Variants in FRMD4A observed in about 807,000 individuals in gnomAD.
FRMD4A encodes the protein FERM domain-containing protein 4A.
FRMD4A carries 29 observed loss-of-function variants against 129.1 expected under a neutral mutation model. The ratio of observed to expected loss-of-function variants is 0.22; its 90% CI spans 0.17 to 0.31. The LOEUF (loss-of-function observed/expected upper bound fraction) is 0.31. Among genes scored for constraint, FRMD4A ranks in the 10% least tolerant of loss-of-function variants. The pLI is 1.00. For synonymous variants in FRMD4A, 634 were observed against 571.6 expected (o/e 1.11, Z -1.56); for missense variants, 1,272 against 1,375.8 (o/e 0.92, Z 1.19).
intron 2 of FRMD4A, among the ~76,000 whole-genome samples, chr10:14,249,612 C>T (rs187527252): frequency 1.1e-3 from 165 of 152,286 alleles, no homozygotes; most frequent in African/African-American, 3.9e-3. Context: ...CTTCTACCGA[C>T]CCAGAAATTT....
At chr10:14,125,773 G>T (rs149922439) in intron 2 of FRMD4A, among the ~76,000 whole-genome samples, 1 of 151,892 alleles carries the variant, frequency 6.6e-6, no homozygotes, top group African/African-American at 2.4e-5. Context: ...ACACATACAC[G>T]GCTCCTGCTA....
At chr10:14,045,537 G>A (rs1443142253) in intron 2 of FRMD4A, among the ~76,000 whole-genome samples, 2 of 150,408 alleles carry the variant, frequency 1.3e-5, no homozygotes, top group African/African-American at 2.4e-5. Flanking sequence ...AATATGTATC[G>A]TTATTGAATA....
Position 14,036,729 on chromosome 10 carries a change from A to G in FRMD4A, c.46-177817T>C, listed in dbSNP as rs1833518633. On this transcript the variant is annotated intron_variant, in intron 2 of 24. Coordinates refer to ENST00000357447, the MANE Select transcript of FRMD4A (RefSeq NM_018027.5). ...TCCCGAGTAGCTGGAATTACAGGCT[A>G]TTGACCATTATACTCGTCTAATTTT... 2.6e-5 allele frequency among the ~76,000 whole-genome samples: 4 copies of G among 152,172 alleles called. No homozygotes were observed. The South Asian group carries it at 8.3e-4, about 32-fold the overall frequency.
chr10:13,930,424 C>T (rs1028340507), intron 2 of FRMD4A, among the ~76,000 whole-genome samples: 3 of 152,218 alleles, frequency 2.0e-5, no homozygotes, highest in African/African-American at 7.2e-5. Flanking sequence ...GCAGGGGTTA[C>T]TTGTCCTGCG....
At chr10:14,102,525 G>T (rs141412336) in intron 2 of FRMD4A, among the ~76,000 whole-genome samples, 263 of 152,256 alleles carry the variant, frequency 1.7e-3, no homozygotes, top group African/African-American at 6.1e-3. Context: ...GGTATGTCAG[G>T]GTGCTCTGGA....
At chr10:13,712,856 G>C (rs1342466143) in intron 12 of FRMD4A, among the ~76,000 whole-genome samples, 1 of 152,238 alleles carries the variant, frequency 6.6e-6, no homozygotes, top group African/African-American at 2.4e-5. Flanking sequence ...AGTACTTAAT[G>C]AGCAGGGACC....
intron 2 of FRMD4A, among the ~76,000 whole-genome samples, chr10:14,150,849 CT>C (rs1199497315): frequency 3.3e-5 from 5 of 152,144 alleles, no homozygotes; most frequent in African/African-American, 1.2e-4. Flanking sequence ...CACATCAGCG[CT>C]TTTAGAAATT....
At chr10:13,731,874 C>T (rs748392193) in intron 12 of FRMD4A, among the ~76,000 whole-genome samples, 22 of 152,028 alleles carry the variant, frequency 1.4e-4, no homozygotes, top group Non-Finnish European at 2.8e-4. Flanking sequence ...CGAAGTTGGC[C>T]TTCAGAAGTT....
chr10:14,185,824 G>A (rs539412660), intron 2 of FRMD4A, among the ~76,000 whole-genome samples: 19 of 152,216 alleles, frequency 1.2e-4, no homozygotes, highest in African/African-American at 2.2e-4. Flanking sequence ...AGACAGGGCA[G>A]GGCCCAGTGG....
At chr10:14,318,548 G>A (rs908060164) in intron 2 of FRMD4A, among the ~76,000 whole-genome samples, 1 of 145,374 alleles carries the variant, frequency 6.9e-6, no homozygotes, top group Non-Finnish European at 1.5e-5. Context: ...GCACATGTTA[G>A]CCCCAGATGT....
chr10:13,838,131 C>T (rs1365632264), intron 3 of FRMD4A, among the ~76,000 whole-genome samples: 1 of 152,186 alleles, frequency 6.6e-6, no homozygotes, highest in Non-Finnish European at 1.5e-5. Context: ...CTCTGTTGCC[C>T]AGGCCTGAGT....
Position 14,097,983 on chromosome 10 carries a change from TTATATAAATTATAGATTA to T in FRMD4A, c.45+232057_45+232074del, listed in dbSNP as rs1367228527. 4.2e-5 allele frequency among the ~76,000 whole-genome samples: 6 copies of T among 142,024 alleles called. No homozygotes were observed. The East Asian group carries it at 9.9e-4, about 23-fold the overall frequency. The allele number at this position is 142,024 out of a possible 152,430, so 93.2% of individuals were successfully genotyped here. The stretch of plus-strand genomic sequence containing the variant: ...ATATATATTATATACAAATTATATA[TTATATAAATTATAGATTA>T]TATATAAATTATATATTATATAAAT... On this transcript the variant is annotated intron_variant, in intron 2 of 24. Coordinates refer to ENST00000357447, the MANE Select transcript of FRMD4A (RefSeq NM_018027.5).
intron 2 of FRMD4A, among the ~76,000 whole-genome samples, chr10:14,104,693 G>C (rs76912844): frequency 0.014 from 2,103 of 152,348 alleles, 40 homozygotes; most frequent in African/African-American, 0.048. Flanking sequence ...CTGGCACTCA[G>C]AATGCTGAGG....
At chr10:14,052,569 G>GT in intron 2 of FRMD4A, among the ~76,000 whole-genome samples, 1 of 151,974 alleles carries the variant, frequency 6.6e-6, no homozygotes, top group Non-Finnish European at 1.5e-5. Flanking sequence ...TTTTCTTTTT[G>GT]TTTTTTGAGA....
chr10:14,223,992 A>G (rs1184827711), intron 2 of FRMD4A, among the ~76,000 whole-genome samples: 1 of 152,082 alleles, frequency 6.6e-6, no homozygotes, highest in Non-Finnish European at 1.5e-5. Context: ...CTGCATCGGG[A>G]GTTTGCCCTG....
intron 3 of FRMD4A, among the ~76,000 whole-genome samples, chr10:13,839,714 G>C (rs1253069448): frequency 1.3e-5 from 2 of 152,218 alleles, no homozygotes; most frequent in African/African-American, 4.8e-5. Flanking sequence ...CAGGCTCCTG[G>C]TTCAGGAAAG....
At chr10:14,119,730 C>T (rs1446643531) in intron 2 of FRMD4A, among the ~76,000 whole-genome samples, 1 of 152,200 alleles carries the variant, frequency 6.6e-6, no homozygotes, top group African/African-American at 2.4e-5. Flanking sequence ...TTGCATCCTG[C>T]CCCACAGACC....
intron 2 of FRMD4A, among the ~76,000 whole-genome samples, chr10:14,220,784 GTGTGTGTGTGTGTGTGTGTGTGTGTGTT>G (rs1054671216): frequency 1.3e-4 from 17 of 132,254 alleles, no homozygotes; most frequent in Non-Finnish European, 2.3e-4. Flanking sequence ...GCTGAGTTGC[GTGTGTGTGTGTGTGTGTGTGTGTGTGTT>G]TGTGTGTGTG....
At chr10:14,140,192 G>A (rs898087354) in intron 2 of FRMD4A, among the ~76,000 whole-genome samples, 14 of 152,006 alleles carry the variant, frequency 9.2e-5, no homozygotes, top group African/African-American at 2.2e-4. Context: ...CTCCTGAGTC[G>A]CTGGGACTAC....
Sources: gnomAD v4.1 joint callset for allele counts (sites outside exome capture counted in the v4.1 genomes callset) on GRCh38, gnomAD v4.1.1 for gene constraint, MANE v1.5 for transcripts, NCBI Gene and HGNC (gene_info 2026-07-23, HGNC 2026-07-21) for gene names.